The following TP63 variants were observed in gnomAD, a reference collection of about 807,000 sequenced individuals.
TP63 encodes tumor protein p63.
A neutral mutation model predicts 82.8 loss-of-function variants in TP63; 17 were observed. That is an observed-to-expected ratio of 0.21 (90% CI 0.14 to 0.31). TP63 has a LOEUF of 0.31. Ranked by LOEUF, TP63 falls within the 10% of genes least tolerant of loss-of-function variation. The pLI is 1.00. For missense variants in TP63, 648 were observed against 895.3 expected (o/e 0.72, Z 3.52); for synonymous variants, 330 against 321.7 (o/e 1.03, Z -0.28).
At chr3:189,881,596 A>G in intron 10 of TP63, 3 of 850,780 alleles carry the variant, frequency 3.5e-6, no homozygotes, top group Non-Finnish European at 4.2e-6. Context: ...GGTCTAAGGA[A>G]CAAGAATAAT....
At chr3:189,670,749 A>G (rs1044491338) in intron 1 of TP63, among the ~76,000 whole-genome samples, 3 of 152,030 alleles carry the variant, frequency 2.0e-5, no homozygotes, top group East Asian at 1.9e-4. Flanking sequence ...AAATAAATCT[A>G]TGTGTTTGCA....
chr3:189,794,296 G>A (rs975652994), intron 3 of TP63, among the ~76,000 whole-genome samples: 1 of 151,966 alleles, frequency 6.6e-6, no homozygotes, highest in Non-Finnish European at 1.5e-5. Flanking sequence ...GAAGTTTATA[G>A]TTCTTTGGGG....
chr3:189,698,490 G>T (rs1403182596), intron 1 of TP63, among the ~76,000 whole-genome samples: 1 of 152,066 alleles, frequency 6.6e-6, no homozygotes, highest in Non-Finnish European at 1.5e-5. Context: ...GGGGAATAGA[G>T]AATGTAATGA....
chr3:189,650,044 A>G (rs1712761053), intron 1 of TP63, among the ~76,000 whole-genome samples: 1 of 147,094 alleles, frequency 6.8e-6, no homozygotes, highest in Non-Finnish European at 1.5e-5. Flanking sequence ...GTGGGGAAGC[A>G]TGGTAGCATC....
At chr3:189,795,360 A>G (rs1373285421) in intron 3 of TP63, among the ~76,000 whole-genome samples, 1 of 152,080 alleles carries the variant, frequency 6.6e-6, no homozygotes, top group Admixed American at 6.6e-5. Flanking sequence ...CCGTGAATTC[A>G]TAATCTGAGG....
At chr3:189,880,040 C>G in intron 10 of TP63, 4 of 1,605,390 alleles carry the variant, frequency 2.5e-6, no homozygotes, top group Non-Finnish European at 3.4e-6. Flanking sequence ...TTCATTTTTT[C>G]TTTTCTCTGG....
chr3:189,662,910 T>C (rs2108656438), intron 1 of TP63, among the ~76,000 whole-genome samples: 1 of 152,192 alleles, frequency 6.6e-6, no homozygotes, highest in African/African-American at 2.4e-5. Flanking sequence ...TTATATAAGA[T>C]TAAGAGAGTC....
intron 1 of TP63, among the ~76,000 whole-genome samples, chr3:189,649,911 A>G (rs933399185): frequency 1.4e-5 from 2 of 146,836 alleles, no homozygotes; most frequent in African/African-American, 5.1e-5. Context: ...CTTTTTTTCA[A>G]AGGATTTTAT....
At chr3:189,663,668 C>T (rs1026187144) in intron 1 of TP63, among the ~76,000 whole-genome samples, 2 of 151,582 alleles carry the variant, frequency 1.3e-5, no homozygotes, top group Non-Finnish European at 2.9e-5. Context: ...ACTGGGATTA[C>T]AGGCACATGC....
In TP63 at chr3:189,874,561, A is replaced by T. The variant is rs542900872; in HGVS notation, c.1349+1566A>T. Among the ~76,000 whole-genome samples the T allele has an allele frequency of 4.6e-5, 7 of 152,290 alleles. No homozygotes were observed. The South Asian group carries it at 1.5e-3, about 32-fold the overall frequency. On this transcript the variant is annotated intron_variant, in intron 10 of 13. Transcript: ENST00000264731. ...AGGGATCTCACCATTTACTTTTAGC[A>T]TAAAAGTTTTGCAAATTTTAATGGT... is the stretch of plus-strand genomic sequence containing the variant.
chr3:189,886,676 T>A, intron 11 of TP63, 125 bp downstream of exon 11: 1 of 1,365,816 alleles, frequency 7.3e-7, no homozygotes, highest in East Asian at 2.5e-5. Flanking sequence ...CAGATCAAAG[T>A]GGAGTGGCTT....
chr3:189,748,613 C>G (rs1255272425), intron 3 of TP63, among the ~76,000 whole-genome samples: 1 of 150,642 alleles, frequency 6.6e-6, no homozygotes, highest in African/African-American at 2.4e-5. Context: ...GACCATGCTG[C>G]CCAAAGCAAT....
At chr3:189,652,138 A>G (rs915244855) in intron 1 of TP63, among the ~76,000 whole-genome samples, 3 of 146,076 alleles carry the variant, frequency 2.1e-5, no homozygotes, top group African/African-American at 5.2e-5. Context: ...GGAGGACCCA[A>G]AATGGTAGAT....
chr3:189,769,235 G>A (rs1262063183), intron 3 of TP63, among the ~76,000 whole-genome samples: 1 of 152,070 alleles, frequency 6.6e-6, no homozygotes, highest in Non-Finnish European at 1.5e-5. Flanking sequence ...TGCATTAAAG[G>A]CACTATAAAT....
intron 1 of TP63, among the ~76,000 whole-genome samples, chr3:189,686,898 T>A (rs924114153): frequency 3.3e-5 from 5 of 151,846 alleles, no homozygotes; most frequent in African/African-American, 1.2e-4. Flanking sequence ...GCCCAGCTAA[T>A]TTTTGTATTT....
intron 3 of TP63, among the ~76,000 whole-genome samples, chr3:189,758,710 G>A (rs1045135643): frequency 6.6e-6 from 1 of 152,198 alleles, no homozygotes; most frequent in Non-Finnish European, 1.5e-5. Context: ...GGAGGCAAGA[G>A]TTGAGGTCTC....
rs997536518 is a variant in TP63 at position 189,895,335 on chromosome 3, C to T, written c.*833C>T. On this transcript the variant is annotated 3_prime_UTR_variant, in exon 14 of 14. Coordinates refer to ENST00000264731, the MANE Select transcript of TP63 (RefSeq NM_003722.5). Reference sequence around the variant, plus strand: ...TAGCAGCCAGTTCAAAAACACCCGACGTCATGTATTTGAGCATATCAGTAA... The same window carrying T: ...TAGCAGCCAGTTCAAAAACACCCGATGTCATGTATTTGAGCATATCAGTAA... 10 of 218,400 alleles carry T rather than the reference C, an allele frequency of 4.6e-5. No individual in the cohort carries two copies. Among genetic ancestry groups the T allele is most frequent in the Non-Finnish European group, 6.4e-5 (7 of 108,708 alleles). The allele number at this position is 218,400 out of a possible 1,614,324, so 13.5% of individuals were successfully genotyped here.
chr3:189,714,211 G>T (rs548236023), intron 1 of TP63, among the ~76,000 whole-genome samples: 1 of 152,212 alleles, frequency 6.6e-6, no homozygotes, highest in East Asian at 1.9e-4. Flanking sequence ...GGTGGACTTT[G>T]GGAAAGGTAC....
chr3:189,890,867 G>T lies in TP63; in HGVS notation c.1731G>T (p.Glu577Asp). Reference sequence around the variant, plus strand: ...GGCTGACCACCATCTATCAGATTGAGCATTACTCCATGGATGTAAGTAACT... The same window carrying T: ...GGCTGACCACCATCTATCAGATTGATCATTACTCCATGGATGTAAGTAACT... ...TQGLTTIYQI[E>D]HYSMDDLASL... Residue 577 changes from glutamate (E) to aspartate (D), a missense_variant, in exon 13 of 14, where the codon GAG becomes GAT. Around this residue, in one of 5 missense-constraint regions of TP63, gnomAD observed 342 missense variants for 425.7 expected, o/e 0.80. Coordinates refer to ENST00000264731, the MANE Select transcript of TP63 (RefSeq NM_003722.5). 1.2e-6 allele frequency: 2 copies of T among 1,613,954 alleles called. No individual in the cohort carries two copies. Among genetic ancestry groups the T allele is most frequent in the South Asian group, 1.1e-5 (1 of 91,074 alleles).
Sources: allele counts gnomAD v4.1 joint callset (sites outside exome capture counted in the v4.1 genomes callset), GRCh38; gene constraint gnomAD v4.1.1; regional missense constraint gnomAD v4.1.1; transcripts MANE v1.5; gene names NCBI Gene and HGNC (gene_info 2026-07-23, HGNC 2026-07-21).